The following TEP1 variants were observed in gnomAD, a reference collection of about 807,000 sequenced individuals.
TEP1 encodes the protein telomerase protein component 1.
A neutral mutation model predicts 306.3 loss-of-function variants in TEP1; 241 were observed. The observed-to-expected ratio is 0.79, with a 90% confidence interval of 0.71 to 0.88. The LOEUF (loss-of-function observed/expected upper bound fraction) is 0.88. Ranked by LOEUF, TEP1 falls within the 40% of genes least tolerant of loss-of-function variation. The pLI, the probability that TEP1 is intolerant of heterozygous loss-of-function variation, is 0.00. For synonymous variants in TEP1, 1,289 were observed against 1,305.5 expected (o/e 0.99, Z 0.27); for missense variants, 3,051 against 3,276.1 (o/e 0.93, Z 1.68).
intron 2 of TEP1, among the ~76,000 whole-genome samples, chr14:20,407,075 C>T (rs139605910): frequency 1.7e-4 from 26 of 152,232 alleles, no homozygotes; most frequent in African/African-American, 5.3e-4. Context: ...TCCCTCAACC[C>T]GAAACACAAG....
intron 54 of TEP1, 35 bp from the exon 55 acceptor site, chr14:20,368,594 T>C: frequency 6.2e-7 from 1 of 1,611,062 alleles, no homozygotes; most frequent in Non-Finnish European, 8.5e-7. Flanking sequence ...AGGTCAGGGC[T>C]ACAAGCCTCC....
chr14:20,368,394 A>T lies in TEP1; in HGVS notation c.*43T>A, dbSNP rs890842800. On this transcript the variant is annotated 3_prime_UTR_variant, in exon 55 of 55. Transcript: ENST00000262715. ...AGCTACCAGTGTCTTCAGGCTTTGC[A>T]TCTCTAGCACAAGGGGTATCATTAT... 1 of 1,594,398 alleles carries T rather than the reference A, an allele frequency of 6.3e-7. No individual in the cohort carries two copies. The highest frequency in any genetic ancestry group is 1.3e-5 in the African/African-American group (1 of 74,664).
In TEP1 at chr14:20,382,058, T is replaced by C. The variant is rs770822923; in HGVS notation, c.4279A>G (p.Thr1427Ala). ...AGCACTCCGTGCAGCTGGTCCACAG[T>C]CAAACCTGAAAACTCAAGCTCTCTG... The part of the protein sequence containing the change: ...TALEVTRSGL[T>A]VDQLHGVLSV... The change falls in exon 30 of 55, where the codon ACT becomes GCT. Residue 1427 changes from threonine to alanine, a missense_variant. By Grantham distance (58) the Thr-to-Ala change is moderately conservative. Coordinates refer to ENST00000262715, the MANE Select transcript of TEP1 (RefSeq NM_007110.5). 1 of 1,613,908 alleles carries C rather than the reference T, an allele frequency of 6.2e-7. No individual in the cohort carries two copies. Among genetic ancestry groups the C allele is most frequent in the Non-Finnish European group, 8.5e-7 (1 of 1,179,996 alleles).
intron 36 of TEP1, 43 bp from the exon 37 acceptor site, chr14:20,378,896 C>A (rs778774549): frequency 6.2e-7 from 1 of 1,613,834 alleles, no homozygotes; most frequent in South Asian, 1.1e-5. Flanking sequence ...CCCTGGCCAT[C>A]AGCTCCCTCC....
At position 20,371,593 on chromosome 14, in the gene TEP1, C is replaced by T. The variant is rs753768866; in HGVS notation, c.7116G>A (p.Val2372=). Residue 2372 remains valine, a synonymous_variant, in exon 50 of 55, where the codon GTG becomes GTA. Transcript: ENST00000262715. The stretch of plus-strand genomic sequence containing the variant: ...CAGGAGCCCAATCCAGACTTGTCAG[C>T]ACCCCTAAGTCCTCCTGTAGAATTC... ...LNRILQEDLG[V]LTSLDWAPDG... is the part of the protein sequence containing the mutation. 1 of 1,600,098 alleles carries T rather than the reference C, an allele frequency of 6.2e-7. No individual in the cohort carries two copies. Among genetic ancestry groups the T allele is most frequent in the South Asian group, 1.1e-5 (1 of 88,742 alleles).
intron 51 of TEP1, 93 bp from the exon 52 acceptor site, chr14:20,369,872 A>ATTT (rs60087138): frequency 5.7e-5 from 42 of 740,780 alleles, no homozygotes; most frequent in African/African-American, 2.3e-4. Context: ...CTGGTCAGGA[A>ATTT]TTTTTTTTTT....
At position 20,401,560 on chromosome 14, in the gene TEP1, C is replaced by T; in HGVS notation, c.1288G>A (p.Val430Met). The part of the protein sequence containing the change: ...QRKFEKAGDT[V>M]SEKKNPPRFT... ...CTTGGAGGATTCTTTTTCTCTGACA[C>T]TGTATCACCGGCCTTCTCAAACTGT... Residue 430 changes from valine to methionine, a missense_variant, in exon 8 of 55, where the codon GTG becomes ATG. Around this residue, in one of 3 missense-constraint regions of TEP1, gnomAD observed 1,507 missense variants for 1,550.5 expected, o/e 0.97. Transcript: ENST00000262715. 6.2e-7 allele frequency: 1 copy of T among 1,614,214 alleles called. No homozygotes were observed. Among genetic ancestry groups the T allele is most frequent in the Non-Finnish European group, 8.5e-7 (1 of 1,180,044 alleles).
Position 20,369,563 on chromosome 14 carries a change from C to A in TEP1, c.7437G>T (p.Leu2479Phe). Residue 2479 changes from leucine to phenylalanine, a missense_variant, in exon 53 of 55, where the codon TTG becomes TTT. Around this residue, in one of 3 missense-constraint regions of TEP1, gnomAD observed 1,540 missense variants for 1,705.9 expected, o/e 0.90. Coordinates refer to ENST00000262715, the MANE Select transcript of TEP1 (RefSeq NM_007110.5). ...QAKPESESSF[L>F]CASSDGILWN... ...ATAGGATCCCATCAGAGCTGGCACA[C>A]AAAAATGAGGACTCTGCCATTTTAA... The A allele has an allele frequency of 1.2e-6, 2 of 1,614,134 alleles. No homozygotes were observed. Among genetic ancestry groups the A allele is most frequent in the Non-Finnish European group, 1.7e-6 (2 of 1,180,024 alleles).
At chr14:20,377,825 C>A (rs1885281651) in intron 39 of TEP1, 72 bp from the exon 40 acceptor site, 2 of 1,577,102 alleles carry the variant, frequency 1.3e-6, no homozygotes, top group Non-Finnish European at 8.6e-7. Context: ...TGAGTTACAG[C>A]CACCCCCATT....
At chr14:20,404,371 A>AG (rs1300731540) in intron 5 of TEP1, among the ~76,000 whole-genome samples, 1 of 151,850 alleles carries the variant, frequency 6.6e-6, no homozygotes, top group East Asian at 1.9e-4. Flanking sequence ...AAAAAAAAAA[A>AG]AAGCATGAGG....
rs774498126 is a variant in TEP1, at chr14:20,408,027, T to G, written c.413A>C (p.Gln138Pro). The G allele has an allele frequency of 5.0e-6, 8 of 1,614,154 alleles. No individual in the cohort carries two copies. The highest frequency in any genetic ancestry group is 4.4e-5 in the South Asian group (4 of 91,088). The change falls in exon 2 of 55, where the codon CAA becomes CCA. Residue 138 changes from glutamine to proline, a missense_variant. This residue lies in a region of TEP1 where 1,507 missense variants were observed against 1,550.5 expected (regional missense o/e 0.97). Transcript: ENST00000262715. The part of the protein sequence containing the change: ...FQSLQISHMT[Q>P]ADLYRVNNSN... ...GTTGTTCACACGGTACAAATCAGCT[T>G]GCGTCATGTGAGATATCTGTAGACT...
rs770542657 is a variant in TEP1 at position 20,369,380 on chromosome 14, CTCACTATCCATGCTGGCA to C, written c.7602_7619del (p.Asp2534_Ser2539del). 156 of 1,614,080 alleles carry C rather than the reference CTCACTATCCATGCTGGCA, an allele frequency of 9.7e-5. No homozygotes were observed. The highest frequency in any genetic ancestry group is 8.0e-4 in the East Asian group (36 of 44,894). ...GCCGTGTCTTTAGATGTGGTGTTGGCTCACTATCCATGCTGGCATCACTATCCATGCTGGCATCAGATT... is the reference window on the plus strand; with the variant it reads ...GCCGTGTCTTTAGATGTGGTGTTGGCTCACTATCCATGCTGGCATCAGATT... On this transcript the variant is annotated inframe_deletion, in exon 53 of 55. Transcript: ENST00000262715.
chr14:20,404,793 A>G (rs745875808), intron 4 of TEP1, 21 bp from the exon 5 acceptor site: 1 of 1,581,812 alleles, frequency 6.3e-7, no homozygotes, highest in East Asian at 2.3e-5. Context: ...GGGTGAGAGG[A>G]CTAGAATCTC....
In TEP1 at chr14:20,386,404, C is replaced by G. The variant is rs777327762; in HGVS notation, c.2861+43G>C. On this transcript the variant is annotated intron_variant, in intron 19 of 54. Transcript: ENST00000262715. ...CCCACCTCAGGTCCACCACTCAAGC[C>G]CCTCATCCCCGACCCAGCCCCTCTT... 3.8e-6 allele frequency: 6 copies of G among 1,577,446 alleles called. 1 individual carries two copies. In the South Asian group the frequency reaches 6.9e-5, roughly 18 times the overall value.
intron 43 of TEP1, among the ~76,000 whole-genome samples, chr14:20,375,338 T>G (rs1594325189): frequency 6.6e-6 from 1 of 152,166 alleles, no homozygotes; most frequent in Non-Finnish European, 1.5e-5. Context: ...GTATCTTTAG[T>G]AGAGACAGGG....
chr14:20,370,208 C>T (rs1041029437), intron 51 of TEP1, among the ~76,000 whole-genome samples: 1 of 152,168 alleles, frequency 6.6e-6, no homozygotes, highest in Admixed American at 6.6e-5. Flanking sequence ...GCCACTACAC[C>T]TGGGTAAGTG....
intron 9 of TEP1, among the ~76,000 whole-genome samples, chr14:20,399,784 A>G (rs1285299443): frequency 1.3e-5 from 2 of 152,138 alleles, no homozygotes; most frequent in African/African-American, 2.4e-5. Flanking sequence ...AATGACATTA[A>G]AAGAATAAAT....
At chr14:20,400,221 G>A (rs1312911972) in intron 9 of TEP1, among the ~76,000 whole-genome samples, 1 of 151,284 alleles carries the variant, frequency 6.6e-6, no homozygotes, top group East Asian at 1.9e-4. Flanking sequence ...CACCCCAAGT[G>A]GTTTCAACCA....
rs578023496 is a variant in TEP1 at position 20,386,185 on chromosome 14, C to A, written c.2872G>T (p.Val958Leu). The change falls in exon 20 of 55, where the codon GTG becomes TTG. Residue 958 changes from valine to leucine, a missense_variant. Physicochemically the swap from Val to Leu is conservative, Grantham distance 32. Around this residue, in one of 3 missense-constraint regions of TEP1, gnomAD observed 1,507 missense variants for 1,550.5 expected, o/e 0.97. Coordinates refer to ENST00000262715, the MANE Select transcript of TEP1 (RefSeq NM_007110.5). ...EETRRNRQLE[V>L]CLGEVENAQL... ...GCGTTCTCCACCTCCCCAAGGCACA[C>A]TTCCAGTTGTCTGTAGGCATGATGA... 4 of 1,614,056 alleles carry A rather than the reference C, an allele frequency of 2.5e-6. No homozygotes were observed. In the South Asian group the frequency reaches 3.3e-5, roughly 13 times the overall value.
Sources: allele counts gnomAD v4.1 joint callset (sites outside exome capture counted in the v4.1 genomes callset), GRCh38; gene constraint gnomAD v4.1.1; regional missense constraint gnomAD v4.1.1; transcripts MANE v1.5; gene names NCBI Gene and HGNC (gene_info 2026-07-23, HGNC 2026-07-21).